Variants in ROBO1 observed in about 807,000 individuals in gnomAD.
ROBO1 encodes the protein roundabout homolog 1.
ROBO1 carries 149 observed loss-of-function variants against 195.9 expected under a neutral mutation model. The ratio of observed to expected loss-of-function variants is 0.76; its 90% CI spans 0.67 to 0.87. The LOEUF (loss-of-function observed/expected upper bound fraction) is 0.87, where lower values mean the gene tolerates loss of function less well. Among genes scored for constraint, ROBO1 ranks in the 40% least tolerant of loss-of-function variants. The pLI, the probability that ROBO1 is intolerant of heterozygous loss-of-function variation, is 0.00. For missense variants in ROBO1, 1,933 were observed against 2,068.3 expected (o/e 0.93, Z 1.27); for synonymous variants, 816 against 733.2 (o/e 1.11, Z -1.82).
At chr3:79,513,882 A>C (rs752715462) in intron 2 of ROBO1, among the ~76,000 whole-genome samples, 2 of 152,236 alleles carry the variant, frequency 1.3e-5, no homozygotes, top group Non-Finnish European at 2.9e-5. Flanking sequence ...TATCCCCAAG[A>C]AATGAACATT....
At chr3:79,542,421 G>T (rs547769019) in intron 2 of ROBO1, among the ~76,000 whole-genome samples, 6 of 151,992 alleles carry the variant, frequency 3.9e-5, no homozygotes, top group African/African-American at 1.4e-4. Context: ...TCTAAATAAA[G>T]TTATTTTTTC....
chr3:79,297,280 G>C (rs934907125), intron 2 of ROBO1, among the ~76,000 whole-genome samples: 4 of 152,076 alleles, frequency 2.6e-5, no homozygotes, highest in Admixed American at 2.6e-4. Flanking sequence ...GCTCTTCAAT[G>C]GGTCATTTGT....
At chr3:78,999,680 C>A (rs2077453258) in intron 3 of ROBO1, among the ~76,000 whole-genome samples, 1 of 152,078 alleles carries the variant, frequency 6.6e-6, no homozygotes, top group Non-Finnish European at 1.5e-5. Context: ...TGCAGATGTA[C>A]CCCCTGAATC....
intron 3 of ROBO1, among the ~76,000 whole-genome samples, chr3:79,064,534 A>AT (rs1227437002): frequency 6.6e-6 from 1 of 151,854 alleles, no homozygotes; most frequent in Non-Finnish European, 1.5e-5. Flanking sequence ...TAATTAAAAC[A>AT]TTTTTTAAAT....
intron 3 of ROBO1, among the ~76,000 whole-genome samples, chr3:78,950,679 T>C (rs541578370): frequency 1.4e-5 from 2 of 147,906 alleles, no homozygotes; most frequent in South Asian, 4.2e-4. Flanking sequence ...AAAATAAATG[T>C]AATATTAAAT....
intron 3 of ROBO1, among the ~76,000 whole-genome samples, chr3:79,031,038 C>A (rs2078287763): frequency 6.6e-6 from 1 of 152,146 alleles, no homozygotes; most frequent in African/African-American, 2.4e-5. Flanking sequence ...TGTTATTTAC[C>A]TTCATGCATA....
chr3:79,500,101 T>C (rs1306479116), intron 2 of ROBO1, among the ~76,000 whole-genome samples: 2 of 146,688 alleles, frequency 1.4e-5, no homozygotes, highest in African/African-American at 5.0e-5. Flanking sequence ...AGCCATCCCA[T>C]GCGGCAGTAA....
At chr3:79,734,750 G>T (rs1377262985) in intron 1 of ROBO1, among the ~76,000 whole-genome samples, 2 of 150,684 alleles carry the variant, frequency 1.3e-5, no homozygotes, top group African/African-American at 4.8e-5. Flanking sequence ...GAGTGGGAGC[G>T]TCAAACTCCG....
At chr3:79,586,301 A>T (rs1276771013) in intron 2 of ROBO1, among the ~76,000 whole-genome samples, 1 of 151,986 alleles carries the variant, frequency 6.6e-6, no homozygotes, top group East Asian at 1.9e-4. Context: ...TGGATGATTC[A>T]GACCCAGTTA....
intron 22 of ROBO1, among the ~76,000 whole-genome samples, chr3:78,638,189 ATATGTGTG>A (rs1705655672): frequency 6.6e-6 from 1 of 151,422 alleles, no homozygotes; most frequent in South Asian, 2.1e-4. Flanking sequence ...GTGTGTATAT[ATATGTGTG>A]TATGTGTGTA....
intron 21 of ROBO1, among the ~76,000 whole-genome samples, chr3:78,644,666 C>G (rs763039046): frequency 6.6e-6 from 1 of 152,070 alleles, no homozygotes; most frequent in Non-Finnish European, 1.5e-5. Flanking sequence ...TGTAATTTTT[C>G]CATCCTGCCG....
At chr3:79,285,576 G>A (rs2031836566) in intron 2 of ROBO1, among the ~76,000 whole-genome samples, 1 of 152,106 alleles carries the variant, frequency 6.6e-6, no homozygotes, top group Non-Finnish European at 1.5e-5. Context: ...ACCCTTCAAG[G>A]AAGCTGTGCA....
rs142857435 is a variant in ROBO1 at position 78,655,348 on chromosome 3, T to C, written c.2614+1750A>G. Reference sequence around the variant, plus strand: ...TTTTGAGGTTACCCCATTCATTTGCTTGCAGTCACACTGGGAGTAGTGATG... The same window carrying C: ...TTTTGAGGTTACCCCATTCATTTGCCTGCAGTCACACTGGGAGTAGTGATG... On this transcript the variant is annotated intron_variant, in intron 18 of 30. Coordinates refer to ENST00000464233, the MANE Select transcript of ROBO1 (RefSeq NM_002941.4). 2.6e-4 allele frequency among the ~76,000 whole-genome samples: 40 copies of C among 152,290 alleles called. No individual in the cohort carries two copies. The East Asian group carries it at 7.5e-3, about 29-fold the overall frequency.
At chr3:78,679,223 T>C (rs2080824176) in intron 10 of ROBO1, among the ~76,000 whole-genome samples, 1 of 151,798 alleles carries the variant, frequency 6.6e-6, no homozygotes, top group Non-Finnish European at 1.5e-5. Context: ...AATATCATAC[T>C]GAATGGGCAA....
intron 4 of ROBO1, among the ~76,000 whole-genome samples, chr3:78,755,574 A>C (rs1439711104): frequency 6.6e-6 from 1 of 152,198 alleles, no homozygotes; most frequent in Non-Finnish European, 1.5e-5. Flanking sequence ...TGATTATGAT[A>C]CCAGATTTGA....
At chr3:79,699,431 T>C (rs1416876071) in intron 1 of ROBO1, among the ~76,000 whole-genome samples, 1 of 151,582 alleles carries the variant, frequency 6.6e-6, no homozygotes, top group African/African-American at 2.4e-5. Context: ...GTACCATAAA[T>C]ACAATAACAT....
intron 2 of ROBO1, among the ~76,000 whole-genome samples, chr3:79,240,292 C>T (rs1020050881): frequency 6.6e-6 from 1 of 152,086 alleles, no homozygotes; most frequent in Non-Finnish European, 1.5e-5. Flanking sequence ...TACGTTGTTG[C>T]AAATGACTAG....
At chr3:79,344,991 G>A (rs528357889) in intron 2 of ROBO1, among the ~76,000 whole-genome samples, 89 of 152,178 alleles carry the variant, frequency 5.8e-4, no homozygotes, top group Middle Eastern at 3.4e-3. Flanking sequence ...GTTTCCTGAG[G>A]CCTCCCCAGT....
At chr3:78,861,729 A>T (rs2034854823) in intron 4 of ROBO1, among the ~76,000 whole-genome samples, 1 of 152,184 alleles carries the variant, frequency 6.6e-6, no homozygotes, top group Non-Finnish European at 1.5e-5. Flanking sequence ...TTCCCATTAG[A>T]AATAACTGCA....
Sources: allele counts gnomAD v4.1 joint callset (sites outside exome capture counted in the v4.1 genomes callset), GRCh38; gene constraint gnomAD v4.1.1; transcripts MANE v1.5; gene names NCBI Gene and HGNC (gene_info 2026-07-23, HGNC 2026-07-21).